Variants in KCNU1 observed in about 807,000 individuals in gnomAD.
KCNU1 encodes potassium calcium-activated channel subfamily U member 1, also known as potassium channel subfamily U member 1.
Under a neutral mutation model 126.8 loss-of-function variants are expected in KCNU1, and 93 were observed. The ratio of observed to expected loss-of-function variants is 0.73; its 90% CI spans 0.62 to 0.87. The LOEUF is 0.87. KCNU1 is among the 40% of genes least tolerant of loss of function. KCNU1 has a pLI of 0.00. For synonymous variants in KCNU1, 523 were observed against 494.2 expected (o/e 1.06, Z -0.77); for missense variants, 1,330 against 1,367.1 (o/e 0.97, Z 0.43).
At chr8:36,798,143 G>C (rs1803174368) in intron 2 of KCNU1, among the ~76,000 whole-genome samples, 1 of 152,108 alleles carries the variant, frequency 6.6e-6, no homozygotes, top group Non-Finnish European at 1.5e-5. Flanking sequence ...GCAGCTCACA[G>C]TGTCTCTGCA....
At chr8:36,931,453 T>C (rs1050001107) in intron 25 of KCNU1, among the ~76,000 whole-genome samples, 2 of 152,160 alleles carry the variant, frequency 1.3e-5, no homozygotes, top group Non-Finnish European at 2.9e-5. Context: ...CTTTGTACCT[T>C]GACAAGAGTA....
At chr8:36,924,435 C>T (rs1035631168) in intron 24 of KCNU1, among the ~76,000 whole-genome samples, 16 of 152,180 alleles carry the variant, frequency 1.1e-4, no homozygotes, top group South Asian at 4.1e-4. Context: ...CAATGCCATT[C>T]GGCATGAGAT....
intron 18 of KCNU1, among the ~76,000 whole-genome samples, chr8:36,856,754 C>T (rs2117309913): frequency 1.3e-5 from 2 of 152,280 alleles, no homozygotes; most frequent in South Asian, 4.1e-4. Flanking sequence ...ATTTGGGCCC[C>T]TTTGTAAGAG....
At chr8:36,914,686 GT>G (rs1808029295) in intron 22 of KCNU1, among the ~76,000 whole-genome samples, 1 of 152,088 alleles carries the variant, frequency 6.6e-6, no homozygotes, top group Admixed American at 6.6e-5. Flanking sequence ...GAAATTTTAG[GT>G]TTTTCTGTAA....
chr8:36,830,251 C>T (rs568896341), intron 10 of KCNU1, among the ~76,000 whole-genome samples: 7 of 151,342 alleles, frequency 4.6e-5, no homozygotes, highest in East Asian at 1.9e-4. Context: ...TCAAATATAA[C>T]GTTGAAAAAG....
chr8:36,838,129 T>TG (rs2130565573), intron 14 of KCNU1, among the ~76,000 whole-genome samples: 1 of 152,308 alleles, frequency 6.6e-6, no homozygotes, highest in East Asian at 1.9e-4. Flanking sequence ...TGAGCCTTCA[T>TG]GCAGCTACAA....
intron 24 of KCNU1, among the ~76,000 whole-genome samples, chr8:36,925,134 C>G (rs1026050430): frequency 4.6e-5 from 7 of 152,188 alleles, no homozygotes; most frequent in African/African-American, 1.7e-4. Context: ...ATGGGCTTCA[C>G]TTGGTGGAAG....
intron 10 of KCNU1, among the ~76,000 whole-genome samples, chr8:36,824,626 C>T (rs1804249503): frequency 6.6e-6 from 1 of 152,096 alleles, no homozygotes; most frequent in Non-Finnish European, 1.5e-5. Flanking sequence ...AGTTGAAGCT[C>T]CATCTTTAGT....
intron 18 of KCNU1, among the ~76,000 whole-genome samples, chr8:36,856,855 A>T (rs1416927148): frequency 2.6e-5 from 4 of 152,124 alleles, no homozygotes; most frequent in Non-Finnish European, 5.9e-5. Context: ...GTAAATTCTG[A>T]CTTATGGTTT....
intron 22 of KCNU1, among the ~76,000 whole-genome samples, chr8:36,913,651 G>C (rs922386657): frequency 6.7e-6 from 1 of 150,254 alleles, no homozygotes; most frequent in African/African-American, 2.5e-5. Flanking sequence ...ACCCAGGCTG[G>C]AGTGCGGTGG....
intron 2 of KCNU1, among the ~76,000 whole-genome samples, chr8:36,788,447 T>C (rs1374829355): frequency 6.6e-6 from 1 of 152,220 alleles, no homozygotes; most frequent in African/African-American, 2.4e-5. Flanking sequence ...ATCTAAAATA[T>C]GAAAAGATGA....
chr8:36,884,813 G>T (rs1345855411), intron 19 of KCNU1, among the ~76,000 whole-genome samples: 1 of 152,096 alleles, frequency 6.6e-6, no homozygotes, highest in Non-Finnish European at 1.5e-5. Context: ...TCTTGATTCT[G>T]TGGCCTAGGA....
At chr8:36,796,014 T>G (rs1316915506) in intron 2 of KCNU1, among the ~76,000 whole-genome samples, 1 of 152,162 alleles carries the variant, frequency 6.6e-6, no homozygotes, top group African/African-American at 2.4e-5. Flanking sequence ...ATTAATTGTA[T>G]CCGAATTTTT....
intron 19 of KCNU1, among the ~76,000 whole-genome samples, chr8:36,886,112 G>A (rs1340574133): frequency 6.6e-6 from 1 of 152,112 alleles, no homozygotes; most frequent in Non-Finnish European, 1.5e-5. Flanking sequence ...AGTTGAAAGA[G>A]GTGCAAGGAA....
chr8:36,831,585 T>G (rs573827251), intron 10 of KCNU1, among the ~76,000 whole-genome samples: 1 of 148,914 alleles, frequency 6.7e-6, no homozygotes, highest in African/African-American at 2.5e-5. Context: ...TCATGTCCTT[T>G]GCCCACTTTT....
chr8:36,838,483 G>A (rs1227436409), intron 14 of KCNU1, among the ~76,000 whole-genome samples: 1 of 152,120 alleles, frequency 6.6e-6, no homozygotes, highest in Non-Finnish European at 1.5e-5. Flanking sequence ...TCGAGCTCAG[G>A]AGTTTGAGAC....
At position 36,804,234 on chromosome 8, in the gene KCNU1, G is replaced by C. The variant is rs1803417161; in HGVS notation, c.377+146G>C. On this transcript the variant is annotated intron_variant, in intron 3 of 26. Transcript: ENST00000399881. ...AAACTCATAAAAAGTGATATGTTTGGCTTCTCCCAGTAAGCACTAAGCCCA... is the reference window on the plus strand; with the variant it reads ...AAACTCATAAAAAGTGATATGTTTGCCTTCTCCCAGTAAGCACTAAGCCCA... 10 of 634,646 alleles carry C rather than the reference G, an allele frequency of 1.6e-5. No homozygotes were observed. In the Middle Eastern group the frequency reaches 7.5e-4, roughly 48 times the overall value. The allele number at this position is 634,646 out of a possible 1,614,324, so 39.3% of individuals were successfully genotyped here. A position where few individuals can be genotyped will look rare whatever the true frequency, so the allele number is the denominator to read the frequency against.
chr8:36,905,710 C>T lies in KCNU1; in HGVS notation c.2012C>T (p.Thr671Ile). ...AACTCTCCATTCTTCCTATTTAGGA[C>T]TCTTCAACATGATGTAGAACAAGAT... ...TSSISNFTTRTLQHDVEQDSD... is the reference protein window; with the variant it reads ...TSSISNFTTRILQHDVEQDSD... The change falls in exon 20 of 27, where the codon ACT (threonine) becomes ATT (isoleucine). Residue 671 changes from threonine (T) to isoleucine (I), a missense_variant and splice_region_variant. Coordinates refer to ENST00000399881, the MANE Select transcript of KCNU1 (RefSeq NM_001031836.3). The T allele has an allele frequency of 6.4e-7, 1 of 1,559,576 alleles. No homozygotes were observed. The highest frequency in any genetic ancestry group is 8.8e-7 in the Non-Finnish European group (1 of 1,130,546).
intron 18 of KCNU1, among the ~76,000 whole-genome samples, chr8:36,850,720 G>C (rs960409060): frequency 8.5e-5 from 13 of 152,178 alleles, no homozygotes; most frequent in African/African-American, 2.9e-4. Flanking sequence ...ATCTCCGAAA[G>C]TGCTGGGATT....
Sources: gnomAD v4.1 joint callset for allele counts (sites outside exome capture counted in the v4.1 genomes callset) on GRCh38, gnomAD v4.1.1 for gene constraint, MANE v1.5 for transcripts, NCBI Gene and HGNC (gene_info 2026-07-23, HGNC 2026-07-21) for gene names.